The following FRAS1 variants were observed in gnomAD, a reference collection of about 807,000 sequenced individuals.
The protein encoded by FRAS1 is Fraser extracellular matrix complex subunit 1.
FRAS1 carries 290 observed loss-of-function variants against 435.2 expected under a neutral mutation model. The ratio of observed to expected loss-of-function variants is 0.67; its 90% CI spans 0.61 to 0.73. The LOEUF is 0.73. FRAS1 is among the 30% of genes least tolerant of loss of function. The pLI is 0.00. For missense variants in FRAS1, 4,860 were observed against 5,001.5 expected, an observed-to-expected ratio of 0.97 and a Z score of 0.85; for synonymous variants, 1,800 against 1,851.0, an observed-to-expected ratio of 0.97 and a Z score of 0.71.
At chr4:78,130,580 G>A (rs537980549) in intron 2 of FRAS1, among the ~76,000 whole-genome samples, 16 of 152,196 alleles carry the variant, frequency 1.1e-4, no homozygotes, top group Admixed American at 3.9e-4. Flanking sequence ...TTCAAAAGCC[G>A]GTTCAACTTA....
At chr4:78,334,589 G>GTGACCATGTTGATCAGGCTGT (rs1560663287) in intron 19 of FRAS1, among the ~76,000 whole-genome samples, 2 of 151,308 alleles carry the variant, frequency 1.3e-5, no homozygotes, top group African/African-American at 4.8e-5. Context: ...CAGGCTGGTC[G>GTGACCATGTTGATCAGGCTGT]TGATCTCGTG....
In FRAS1 at chr4:78,513,420, C is replaced by T; in HGVS notation, c.10042C>T (p.Gln3348Ter). 6.2e-7 allele frequency: 1 copy of T among 1,613,918 alleles called. No homozygotes were observed. The highest frequency in any genetic ancestry group is 2.2e-5 in the East Asian group (1 of 44,876). Residue 3348 changes from glutamine (Q) to a stop codon, truncating the protein, a stop_gained, in exon 65 of 74, where the codon CAG becomes TAG. Transcript: ENST00000512123. LOFTEE classifies it high-confidence loss of function. ...RIHISVQIPH[Q>*]DGMLPLISTM... ...CCACATTTCGGTGCAGATCCCACAC[C>T]AGGATGGAATGCTGCCCCTTATCTC...
In FRAS1 at chr4:78,466,444, T is replaced by A. The variant is rs929598160; in HGVS notation, c.7257+9T>A. On this transcript the variant is annotated intron_variant, in intron 50 of 73. Coordinates refer to ENST00000512123, the MANE Select transcript of FRAS1 (RefSeq NM_025074.7). ...AGGAAGGGGGAAAAGAGGTGAGGGGTGAGGACACTGGAGGAGGTAGCCTAG... is the reference window on the plus strand; with the variant it reads ...AGGAAGGGGGAAAAGAGGTGAGGGGAGAGGACACTGGAGGAGGTAGCCTAG... 1 of 1,599,610 alleles carries A rather than the reference T, an allele frequency of 6.3e-7. No individual in the cohort carries two copies. Among genetic ancestry groups the A allele is most frequent in the Non-Finnish European group, 8.6e-7 (1 of 1,168,860 alleles).
At chr4:78,297,068 C>T (rs772886500) in intron 14 of FRAS1, among the ~76,000 whole-genome samples, 4 of 152,170 alleles carry the variant, frequency 2.6e-5, no homozygotes, top group East Asian at 3.8e-4. Context: ...CAAAACTTGG[C>T]GAGTACTACC....
chr4:78,251,365 G>C (rs1725522258), intron 4 of FRAS1, among the ~76,000 whole-genome samples: 1 of 152,204 alleles, frequency 6.6e-6, no homozygotes, highest in Non-Finnish European at 1.5e-5. Flanking sequence ...GGAGAAGTTT[G>C]AGCATCTTTC....
intron 2 of FRAS1, among the ~76,000 whole-genome samples, chr4:78,122,383 A>G (rs1411218453): frequency 6.6e-6 from 1 of 152,044 alleles, no homozygotes; most frequent in African/African-American, 2.4e-5. Flanking sequence ...TCACTGATGG[A>G]CATTTGGATT....
chr4:78,275,503 A>T (rs545401917), intron 9 of FRAS1, among the ~76,000 whole-genome samples: 2 of 152,320 alleles, frequency 1.3e-5, no homozygotes, highest in East Asian at 3.9e-4. Context: ...CTTTTAGGGC[A>T]GGCCTGGTGG....
chr4:78,089,132 A>G (rs1035369193), intron 2 of FRAS1, among the ~76,000 whole-genome samples: 6 of 152,030 alleles, frequency 3.9e-5, no homozygotes, highest in African/African-American at 1.5e-4. Flanking sequence ...CTTTGTAGGG[A>G]CATGGATGAA....
intron 26 of FRAS1, 41 bp from the exon 27 acceptor site, chr4:78,379,685 A>T: frequency 6.3e-7 from 1 of 1,575,902 alleles, no homozygotes; most frequent in Non-Finnish European, 8.6e-7. Flanking sequence ...TAATTAGTGA[A>T]GGTACCATAA....
intron 14 of FRAS1, among the ~76,000 whole-genome samples, chr4:78,302,567 T>C (rs1454276963): frequency 1.3e-5 from 2 of 152,140 alleles, no homozygotes; most frequent in African/African-American, 4.8e-5. Context: ...TGAGATGGTA[T>C]CTCATTGTGG....
At chr4:78,390,534 C>T (rs1442885266) in intron 29 of FRAS1, among the ~76,000 whole-genome samples, 3 of 152,172 alleles carry the variant, frequency 2.0e-5, no homozygotes, top group African/African-American at 4.8e-5. Context: ...CATATATATT[C>T]TTATCCCCTT....
chr4:78,236,939 G>A (rs1337286847), intron 2 of FRAS1, among the ~76,000 whole-genome samples: 1 of 152,056 alleles, frequency 6.6e-6, no homozygotes, highest in Non-Finnish European at 1.5e-5. Flanking sequence ...ACCTCAATAT[G>A]CCCAGCACCC....
intron 2 of FRAS1, among the ~76,000 whole-genome samples, chr4:78,085,223 A>G (rs1741088037): frequency 6.6e-6 from 1 of 152,144 alleles, no homozygotes; most frequent in Non-Finnish European, 1.5e-5. Flanking sequence ...TTTGACAGAT[A>G]GGAAATGATA....
At chr4:78,397,886 G>A (rs553640925) in intron 29 of FRAS1, among the ~76,000 whole-genome samples, 3 of 152,282 alleles carry the variant, frequency 2.0e-5, no homozygotes, top group African/African-American at 7.2e-5. Context: ...TTGGCCTTGA[G>A]TTGTGCGTAC....
At chr4:78,481,753 G>T in intron 56 of FRAS1, 51 bp from the exon 57 acceptor site, 5 of 1,605,538 alleles carry the variant, frequency 3.1e-6, no homozygotes, top group South Asian at 1.1e-5. Context: ...AAACCTCGCT[G>T]ATTTTCTGGC....
At chr4:78,066,080 T>C in intron 2 of FRAS1, 64 bp downstream of exon 2, 1 of 1,062,136 alleles carries the variant, frequency 9.4e-7, no homozygotes, top group Non-Finnish European at 1.5e-6. Context: ...TTGAAGTTCC[T>C]GAGTGAGTGA....
At chr4:78,483,355 A>G (rs1177991394) in intron 58 of FRAS1, among the ~76,000 whole-genome samples, 3 of 152,168 alleles carry the variant, frequency 2.0e-5, no homozygotes, top group Non-Finnish European at 1.5e-5. Flanking sequence ...ACAGGAAAGG[A>G]TGGTTACTTC....
chr4:78,331,175 G>A (rs1177681517), intron 18 of FRAS1, among the ~76,000 whole-genome samples: 5 of 152,158 alleles, frequency 3.3e-5, no homozygotes, highest in Non-Finnish European at 7.4e-5. Flanking sequence ...GAAAAAGAAC[G>A]TTAATTAAAA....
At chr4:78,160,034 C>T (rs1030971600) in intron 2 of FRAS1, among the ~76,000 whole-genome samples, 4 of 152,118 alleles carry the variant, frequency 2.6e-5, no homozygotes, top group African/African-American at 7.2e-5. Context: ...ACCTCTTATC[C>T]GTGCTACAAG....
Sources: allele counts gnomAD v4.1 joint callset (sites outside exome capture counted in the v4.1 genomes callset), GRCh38; gene constraint gnomAD v4.1.1; transcripts MANE v1.5; gene names NCBI Gene and HGNC (gene_info 2026-07-23, HGNC 2026-07-21).